IFT81: variants seen among roughly 807,000 people sequenced by gnomAD.
The protein encoded by IFT81 is intraflagellar transport 81.
A neutral mutation model predicts 102.6 loss-of-function variants in IFT81; 72 were observed. The ratio of observed to expected loss-of-function variants is 0.70; its 90% CI spans 0.58 to 0.85. IFT81 has a LOEUF of 0.85. IFT81 is among the 40% of genes least tolerant of loss of function. The pLI, the probability that IFT81 is intolerant of heterozygous loss-of-function variation, is 0.00. For missense variants in IFT81, 723 were observed against 787.3 expected (o/e 0.92, Z 0.98); for synonymous variants, 237 against 242.7 (o/e 0.98, Z 0.22).
At chr12:110,170,797 T>C (rs1227702598) in intron 11 of IFT81, among the ~76,000 whole-genome samples, 1 of 152,244 alleles carries the variant, frequency 6.6e-6, no homozygotes, top group Non-Finnish European at 1.5e-5. Flanking sequence ...TAGTTACAGC[T>C]ACTTTTAAAA....
chr12:110,132,191 G>A (rs989444205), intron 4 of IFT81, among the ~76,000 whole-genome samples: 3 of 152,132 alleles, frequency 2.0e-5, no homozygotes, highest in Admixed American at 6.5e-5. Flanking sequence ...ATGGCTAGGC[G>A]CGGTGGCTCA....
At chr12:110,124,941 G>A (rs1280666496) in intron 1 of IFT81, 80 bp downstream of exon 1, 3 of 152,358 alleles carry the variant, frequency 2.0e-5, no homozygotes, top group East Asian at 3.9e-4. Flanking sequence ...AGAGCGCAGA[G>A]CCCGCTGGGC....
chr12:110,171,712 C>T (rs1281695474), intron 11 of IFT81, among the ~76,000 whole-genome samples: 1 of 152,162 alleles, frequency 6.6e-6, no homozygotes, highest in Admixed American at 6.5e-5. Context: ...TTTTCTCTTG[C>T]CTTAAAACAA....
At chr12:110,186,829 A>G (rs1897555753) in intron 12 of IFT81, among the ~76,000 whole-genome samples, 1 of 152,160 alleles carries the variant, frequency 6.6e-6, no homozygotes, top group South Asian at 2.1e-4. Context: ...CGCCCAGCCC[A>G]GTATTTCTTC....
chr12:110,210,103 A>G (rs1215441096), intron 18 of IFT81, among the ~76,000 whole-genome samples: 1 of 152,198 alleles, frequency 6.6e-6, no homozygotes, highest in Non-Finnish European at 1.5e-5. Context: ...TTCATAAAGC[A>G]ACCAATTTAA....
intron 11 of IFT81, among the ~76,000 whole-genome samples, chr12:110,166,414 A>T (rs931119468): frequency 2.6e-5 from 4 of 152,190 alleles, no homozygotes; most frequent in Non-Finnish European, 5.9e-5. Context: ...CAGTTACTGC[A>T]TGCTCAGTCT....
rs377221068 is a variant in IFT81 at position 110,205,622 on chromosome 12, A to G, written c.1744A>G (p.Thr582Ala). ...KNLEVQLRRA[T>A]DEMKAYISSD... ...CCTAGAAGTTCAACTTCGTCGTGCTACTGATGAGATGAAGGCATATATCTC... is the reference window on the plus strand; with the variant it reads ...CCTAGAAGTTCAACTTCGTCGTGCTGCTGATGAGATGAAGGCATATATCTC... The change falls in exon 17 of 19, where the codon ACT becomes GCT. Residue 582 changes from threonine (T) to alanine (A), a missense_variant. Physicochemically the swap from Thr to Ala is moderately conservative, Grantham distance 58. Transcript: ENST00000242591. 5.0e-6 allele frequency: 8 copies of G among 1,604,800 alleles called. No homozygotes were observed. The African/African-American group carries it at 9.4e-5, about 19-fold the overall frequency.
chr12:110,180,360 A>C (rs1201088316), intron 11 of IFT81, 62 bp from the exon 12 acceptor site: 1 of 1,025,896 alleles, frequency 9.7e-7, no homozygotes, highest in African/African-American at 1.6e-5. Context: ...GTTTATACAG[A>C]TGTATGATAT....
chr12:110,201,717 A>AATTACAAG (rs1210509734), intron 14 of IFT81, among the ~76,000 whole-genome samples: 1 of 152,022 alleles, frequency 6.6e-6, no homozygotes, highest in Non-Finnish European at 1.5e-5. Flanking sequence ...ACAGTGCTGG[A>AATTACAAG]ATTACAAGAT....
chr12:110,146,921 A>G, intron 9 of IFT81, 32 bp from the exon 10 acceptor site: 1 of 1,580,146 alleles, frequency 6.3e-7, no homozygotes, highest in South Asian at 1.2e-5. Flanking sequence ...GGAAAGTTTT[A>G]ACTTTTTTTT....
Position 110,183,561 on chromosome 12 carries a change from G to A in IFT81, c.1338+2990G>A, listed in dbSNP as rs531655826. On this transcript the variant is annotated intron_variant, in intron 12 of 18. Transcript: ENST00000242591. Reference sequence around the variant, plus strand: ...TTAAGCACTGTGTGGGCCAATGTCAGAGGCTGGCTGACATCTGCTGGCCAA... The same window carrying A: ...TTAAGCACTGTGTGGGCCAATGTCAAAGGCTGGCTGACATCTGCTGGCCAA... Among the ~76,000 whole-genome samples, 3 of 152,348 alleles carry A rather than the reference G, an allele frequency of 2.0e-5. No individual in the cohort carries two copies. In the South Asian group the frequency reaches 6.2e-4, roughly 32 times the overall value.
intron 14 of IFT81, among the ~76,000 whole-genome samples, chr12:110,196,316 C>A (rs1264079500): frequency 1.3e-5 from 2 of 151,960 alleles, no homozygotes; most frequent in Non-Finnish European, 1.5e-5. Context: ...GTCAGGAGTT[C>A]GAGACTAGCC....
rs532396114 is a variant in IFT81 at position 110,166,375 on chromosome 12, G to A, written c.1188+3310G>A. ...TAAAATGGAATAAGATAGCATTAAT[G>A]AGAATAATTCTAGCTGCCATTCTCT... On this transcript the variant is annotated intron_variant, in intron 11 of 18. Transcript: ENST00000242591. Among the ~76,000 whole-genome samples the A allele has an allele frequency of 5.3e-5, 8 of 152,252 alleles. 1 individual carries two copies. In the South Asian group the frequency reaches 1.0e-3, roughly 20 times the overall value.
chr12:110,141,615 C>T (rs1348031385), intron 8 of IFT81, among the ~76,000 whole-genome samples: 3 of 152,174 alleles, frequency 2.0e-5, no homozygotes, highest in African/African-American at 7.2e-5. Flanking sequence ...CGAAGTGGCT[C>T]ACGCATGTAA....
At position 110,141,177 on chromosome 12, in the gene IFT81, C is replaced by T. The variant is rs542960107; in HGVS notation, c.782-2205C>T. ...ACAGCCTCCAGAGTAGCTGGGATTA[C>T]AGGCATGGGTCACCATGCCCGGCTA... On this transcript the variant is annotated intron_variant, in intron 8 of 18. Transcript: ENST00000242591. Among the ~76,000 whole-genome samples the T allele has an allele frequency of 3.3e-5, 5 of 152,052 alleles. No homozygotes were observed. In the East Asian group the frequency reaches 9.7e-4, roughly 30 times the overall value.
At chr12:110,176,899 G>A (rs941849743) in intron 11 of IFT81, among the ~76,000 whole-genome samples, 20 of 152,356 alleles carry the variant, frequency 1.3e-4, no homozygotes, top group Middle Eastern at 3.4e-3. Flanking sequence ...GCAAGATAGA[G>A]AAGGGGAAAA....
At chr12:110,140,949 A>G (rs1894852107) in intron 8 of IFT81, among the ~76,000 whole-genome samples, 2 of 147,358 alleles carry the variant, frequency 1.4e-5, no homozygotes, top group Admixed American at 1.4e-4. Context: ...CTGGTCTCAA[A>G]CTCCTGACCT....
At chr12:110,197,251 GATA>G (rs1356740133) in intron 14 of IFT81, among the ~76,000 whole-genome samples, 110 of 43,804 alleles carry the variant, frequency 2.5e-3, no homozygotes, top group African/African-American at 4.0e-3. Context: ...TAGGTAGGTA[GATA>G]GATAGATAGA....
chr12:110,165,693 G>A (rs1452304777), intron 11 of IFT81, among the ~76,000 whole-genome samples: 6 of 152,198 alleles, frequency 3.9e-5, no homozygotes, highest in Non-Finnish European at 7.3e-5. Flanking sequence ...TGCTCGAGGA[G>A]ATTGCAGTTT....
Sources: gnomAD v4.1 joint callset for allele counts (sites outside exome capture counted in the v4.1 genomes callset) on GRCh38, gnomAD v4.1.1 for gene constraint, MANE v1.5 for transcripts, NCBI Gene and HGNC (gene_info 2026-07-23, HGNC 2026-07-21) for gene names.